Variants in SH3BGRL2 observed in about 807,000 individuals in gnomAD.
SH3BGRL2 encodes SH3 domain binding glutamate rich protein like 2, also known as SH3 domain-binding glutamic acid-rich-like protein 2.
Under a neutral mutation model 14.8 loss-of-function variants are expected in SH3BGRL2, and 21 were observed. The ratio of observed to expected loss-of-function variants is 1.42; its 90% CI spans 1.01 to 2.05. The LOEUF (loss-of-function observed/expected upper bound fraction) is 2.05, where lower values mean the gene tolerates loss of function less well. Among genes scored for constraint, SH3BGRL2 ranks in the 30% most tolerant of loss-of-function variants. The pLI is 0.00. For synonymous variants in SH3BGRL2, 50 were observed against 47.8 expected (o/e 1.05, Z -0.19); for missense variants, 147 against 130.8 (o/e 1.12, Z -0.61).
Position 79,699,864 on chromosome 6 carries a change from T to C in SH3BGRL2, c.*355T>C. The C allele has an allele frequency of 3.6e-6, 1 of 275,858 alleles. No individual in the cohort carries two copies. The allele number at this position is 275,858 out of a possible 1,614,324, so 17.1% of individuals were successfully genotyped here. ...CCCTAGGTTATAGTAGATGCCGGAA[T>C]TGCGTAAACCCACTTCTCTTTAAGC... is the stretch of plus-strand genomic sequence containing the variant. On this transcript the variant is annotated 3_prime_UTR_variant, in exon 4 of 4. Transcript: ENST00000369838.
At chr6:79,611,429 C>T in the SH3BGRL2 span, among the ~76,000 whole-genome samples, 57 of 126,092 alleles carry the variant, frequency 4.5e-4, no homozygotes, top group African/African-American at 1.8e-3. Context: ...TTTTTTGAGA[C>T]GGAGTCTCAC....
chr6:79,659,060 T>G (rs1769485487), intron 1 of SH3BGRL2, among the ~76,000 whole-genome samples: 2 of 152,222 alleles, frequency 1.3e-5, no homozygotes, highest in South Asian at 4.1e-4. Flanking sequence ...ATGGGTAGAT[T>G]GCAAAAATTT....
chr6:79,593,678 G>A, the SH3BGRL2 span, among the ~76,000 whole-genome samples: 3 of 152,192 alleles, frequency 2.0e-5, no homozygotes, highest in African/African-American at 7.2e-5. Flanking sequence ...ATGGAGGTTT[G>A]TAGTCATTTT....
chr6:79,618,606 T>A, the SH3BGRL2 span, among the ~76,000 whole-genome samples: 1 of 151,926 alleles, frequency 6.6e-6, no homozygotes, highest in Non-Finnish European at 1.5e-5. Context: ...CTCAGGAGGC[T>A]GAGGCAGGAG....
intron 2 of SH3BGRL2, 27 bp downstream of exon 2, chr6:79,673,826 G>A (rs753878998): frequency 1.2e-6 from 2 of 1,600,260 alleles, no homozygotes; most frequent in Admixed American, 1.7e-5. Flanking sequence ...TTATCATGCT[G>A]TTTCTTTTTA....
At chr6:79,658,720 T>C (rs1562149743) in intron 1 of SH3BGRL2, among the ~76,000 whole-genome samples, 1 of 152,248 alleles carries the variant, frequency 6.6e-6, no homozygotes, top group Non-Finnish European at 1.5e-5. Flanking sequence ...ATCCCCACAC[T>C]GTCTTCTACA....
chr6:79,692,531 G>T (rs891178650), intron 2 of SH3BGRL2, among the ~76,000 whole-genome samples: 12 of 152,060 alleles, frequency 7.9e-5, no homozygotes, highest in Non-Finnish European at 1.6e-4. Flanking sequence ...ATTAATTTTT[G>T]TATAAGGTGT....
chr6:79,592,371 C>T, the SH3BGRL2 span, among the ~76,000 whole-genome samples: 1 of 152,114 alleles, frequency 6.6e-6, no homozygotes, highest in African/African-American at 2.4e-5. Context: ...ATTCAAAAAG[C>T]TCACATTTCA....
chr6:79,553,978 AAAG>A, the SH3BGRL2 span, among the ~76,000 whole-genome samples: 12 of 143,750 alleles, frequency 8.3e-5, no homozygotes, highest in South Asian at 2.1e-4. Context: ...AAAAAAAAAA[AAAG>A]AAAAGAAAAG....
At chr6:79,648,750 A>G (rs1239995720) in intron 1 of SH3BGRL2, among the ~76,000 whole-genome samples, 2 of 152,154 alleles carry the variant, frequency 1.3e-5, no homozygotes, top group Middle Eastern at 3.2e-3. Flanking sequence ...TATTTTCCAT[A>G]TCAGAATAAA....
the SH3BGRL2 span, among the ~76,000 whole-genome samples, chr6:79,618,053 AT>A: frequency 6.6e-6 from 1 of 152,170 alleles, no homozygotes; most frequent in Non-Finnish European, 1.5e-5. Context: ...CAACATGGTA[AT>A]TTTCTAAATT....
rs1404825235 is a variant in SH3BGRL2, at chr6:79,703,480, C to G, written c.*3971C>G. 6.6e-6 allele frequency: 1 copy of G among 152,048 alleles called. No homozygotes were observed. Among genetic ancestry groups the G allele is most frequent in the Non-Finnish European group, 1.5e-5 (1 of 68,008 alleles). 9.4% of individuals were successfully genotyped at this position (152,048 alleles called of 1,614,324 possible). On this transcript the variant is annotated 3_prime_UTR_variant, in exon 4 of 4. Transcript: ENST00000369838. ...AAACAAACCCCTGTGTGCCTACCAC[C>G]CACCTTATTGCCTTTCCTTTGAGGT...
the SH3BGRL2 span, among the ~76,000 whole-genome samples, chr6:79,613,251 A>G: frequency 3.9e-5 from 6 of 152,218 alleles, no homozygotes; most frequent in Non-Finnish European, 8.8e-5. Context: ...GCATCTCTTC[A>G]TTCTTATTCA....
the SH3BGRL2 span, among the ~76,000 whole-genome samples, chr6:79,607,710 T>A: frequency 2.0e-5 from 3 of 152,046 alleles, no homozygotes; most frequent in East Asian, 5.8e-4. Flanking sequence ...TTTGGGAGGC[T>A]GAGGCAGGCA....
At chr6:79,619,326 G>GT in the SH3BGRL2 span, among the ~76,000 whole-genome samples, 18 of 150,060 alleles carry the variant, frequency 1.2e-4, no homozygotes, top group Middle Eastern at 3.5e-3. Flanking sequence ...TCTGTGCTTT[G>GT]TTTTTTTTTC....
chr6:79,598,716 A>G, the SH3BGRL2 span, among the ~76,000 whole-genome samples: 2 of 152,308 alleles, frequency 1.3e-5, no homozygotes, highest in African/African-American at 2.4e-5. Context: ...ATTGAACTGT[A>G]TACTTTAAAT....
chr6:79,557,539 G>A, the SH3BGRL2 span, among the ~76,000 whole-genome samples: 1 of 152,072 alleles, frequency 6.6e-6, no homozygotes, highest in African/African-American at 2.4e-5. Context: ...AAAAAATGTG[G>A]GGAGCTATTA....
At chr6:79,614,235 T>A in the SH3BGRL2 span, among the ~76,000 whole-genome samples, 1 of 152,204 alleles carries the variant, frequency 6.6e-6, no homozygotes, top group Non-Finnish European at 1.5e-5. Context: ...CCACTTCTCA[T>A]TCTCGTTTCA....
chr6:79,677,216 C>T (rs961028575), intron 2 of SH3BGRL2, among the ~76,000 whole-genome samples: 2 of 152,166 alleles, frequency 1.3e-5, no homozygotes, highest in African/African-American at 4.8e-5. Flanking sequence ...CTGTAGAAAC[C>T]TACCACATTG....
Sources: gnomAD v4.1 joint callset for allele counts (sites outside exome capture counted in the v4.1 genomes callset) on GRCh38, gnomAD v4.1.1 for gene constraint, MANE v1.5 for transcripts, NCBI Gene and HGNC (gene_info 2026-07-23, HGNC 2026-07-21) for gene names.